KIF6: variants seen among roughly 807,000 people sequenced by gnomAD.
KIF6 encodes the protein kinesin family member 6, also known as kinesin-like protein KIF6.
In KIF6, 106 loss-of-function variants were observed where a neutral mutation model predicts 112.7. That is an observed-to-expected ratio of 0.94 (90% CI 0.80 to 1.11). The LOEUF is 1.11. Among genes scored for constraint, KIF6 ranks in the 50% least tolerant of loss-of-function variants. The pLI, the probability that KIF6 is intolerant of heterozygous loss-of-function variation, is 0.00. For missense variants in KIF6, 929 were observed against 964.0 expected (o/e 0.96, Z 0.48); for synonymous variants, 339 against 339.9 (o/e 1.00, Z 0.03).
At chr6:39,411,196 GC>G (rs2150352846) in intron 15 of KIF6, among the ~76,000 whole-genome samples, 1 of 152,348 alleles carries the variant, frequency 6.6e-6, no homozygotes, top group African/African-American at 2.4e-5. Context: ...AGCAGGGCCA[GC>G]CGGTTACAAG....
Position 39,639,672 on chromosome 6 carries a change from G to C in KIF6, c.337C>G (p.Arg113Gly), listed in dbSNP as rs753944456. The C allele has an allele frequency of 1.3e-5, 21 of 1,611,344 alleles. No individual in the cohort carries two copies. Among genetic ancestry groups the C allele is most frequent in the Non-Finnish European group, 1.8e-5 (21 of 1,178,656 alleles). Residue 113 changes from arginine to glycine, a missense_variant, in exon 4 of 23, where the codon CGT becomes GGT. Arg to Gly is a moderately radical substitution (Grantham distance 125, BLOSUM62 -2). Coordinates refer to ENST00000287152, the MANE Select transcript of KIF6 (RefSeq NM_145027.6). Reference sequence around the variant, plus strand: ...GGGATAATGCCTCTGTCACTGTAACGCTCTGCACCCCCTGTGATAGTGAAT... The same window carrying C: ...GGGATAATGCCTCTGTCACTGTAACCCTCTGCACCCCCTGTGATAGTGAAT... ...KTFTITGGAERYSDRGIIPRT... is the reference protein window; with the variant it reads ...KTFTITGGAEGYSDRGIIPRT...
At chr6:39,586,827 A>C (rs1244298888) in intron 7 of KIF6, among the ~76,000 whole-genome samples, 1 of 152,232 alleles carries the variant, frequency 6.6e-6, no homozygotes, top group Non-Finnish European at 1.5e-5. Flanking sequence ...TTGAGGTCCC[A>C]GATTCTCATG....
chr6:39,723,268 T>G (rs976913489), intron 1 of KIF6, among the ~76,000 whole-genome samples: 2 of 152,194 alleles, frequency 1.3e-5, no homozygotes, highest in Non-Finnish European at 2.9e-5. Context: ...GATGCTATGA[T>G]ATTCCACATA....
chr6:39,337,158 T>TCCTTCCTTCCTTCCTTCCTTC (rs1491446959), intron 22 of KIF6, among the ~76,000 whole-genome samples: 2 of 71,194 alleles, frequency 2.8e-5, no homozygotes, highest in Admixed American at 1.2e-4. Flanking sequence ...CTCTTTCTTT[T>TCCTTCCTTCCTTCCTTCCTTC]CTTTCTTTCC....
At chr6:39,697,478 A>G (rs1329753240) in intron 3 of KIF6, among the ~76,000 whole-genome samples, 1 of 151,992 alleles carries the variant, frequency 6.6e-6, no homozygotes, top group Non-Finnish European at 1.5e-5. Context: ...GGGGGTTTCC[A>G]TCTCTTGTCA....
At chr6:39,413,864 T>G (rs1769687025) in intron 15 of KIF6, among the ~76,000 whole-genome samples, 1 of 152,222 alleles carries the variant, frequency 6.6e-6, no homozygotes. Flanking sequence ...AATTGAAGTT[T>G]TTGATAAGCG....
intron 16 of KIF6, among the ~76,000 whole-genome samples, chr6:39,373,044 A>G (rs1229420341): frequency 6.6e-6 from 1 of 152,182 alleles, no homozygotes; most frequent in Non-Finnish European, 1.5e-5. Flanking sequence ...GGCGATTTTC[A>G]TCATGTGTAA....
At chr6:39,408,829 A>C (rs1449348704) in intron 15 of KIF6, among the ~76,000 whole-genome samples, 1 of 152,092 alleles carries the variant, frequency 6.6e-6, no homozygotes, top group East Asian at 1.9e-4. Context: ...CCCATGAATC[A>C]CTTATGCAGT....
At chr6:39,565,352 T>C (rs1310225094) in intron 10 of KIF6, among the ~76,000 whole-genome samples, 1 of 149,086 alleles carries the variant, frequency 6.7e-6, no homozygotes, top group Non-Finnish European at 1.5e-5. Flanking sequence ...GCACCAGGCT[T>C]TATGATTCTT....
At chr6:39,504,586 A>G (rs1776333277) in intron 13 of KIF6, among the ~76,000 whole-genome samples, 1 of 152,236 alleles carries the variant, frequency 6.6e-6, no homozygotes, top group African/African-American at 2.4e-5. Flanking sequence ...ACATGATCCT[A>G]TATCTGGAAA....
intron 15 of KIF6, among the ~76,000 whole-genome samples, chr6:39,411,287 C>T (rs1486968164): frequency 6.6e-6 from 1 of 152,184 alleles, no homozygotes; most frequent in Non-Finnish European, 1.5e-5. Flanking sequence ...CACCCTGGGT[C>T]CTCTTGGCTC....
chr6:39,337,252 T>TTCTTTTCTTTCCCTCCC lies in KIF6; in HGVS notation c.2429-705_2429-704insGGGAGGGAAAGAAAAGA, dbSNP rs1763079486. Among the ~76,000 whole-genome samples the TTCTTTTCTTTCCCTCCC allele has an allele frequency of 1.7e-3, 164 of 94,904 alleles. 20 individuals carry two copies. Among genetic ancestry groups the TTCTTTTCTTTCCCTCCC allele is most frequent in the African/African-American group, 6.3e-3 (117 of 18,684 alleles). The allele number at this position is 94,904 out of a possible 152,430, so 62.3% of individuals were successfully genotyped here. A position where few individuals can be genotyped will look rare whatever the true frequency, so the allele number is the denominator to read the frequency against. ...CTTTCTTTCTTTTTCTTTCTTTTCTTTCCCTCCCTCCCTCCAGCCTCCCCT... is the reference window on the plus strand; with the variant it reads ...CTTTCTTTCTTTTTCTTTCTTTTCTTTCTTTTCTTTCCCTCCCTCCCTCCCTCCCTCCAGCCTCCCCT... On this transcript the variant is annotated intron_variant, in intron 22 of 22. Transcript: ENST00000287152.
intron 13 of KIF6, among the ~76,000 whole-genome samples, chr6:39,455,622 A>C (rs1240667639): frequency 1.3e-5 from 2 of 148,410 alleles, no homozygotes; most frequent in African/African-American, 4.9e-5. Context: ...AAAACTTTGA[A>C]AAAAATTTAG....
chr6:39,691,152 A>C (rs1005359364), intron 3 of KIF6: 2 of 152,198 alleles, frequency 1.3e-5, no homozygotes, highest in Non-Finnish European at 2.9e-5. Flanking sequence ...CTGAATTAGG[A>C]GATAAACTTC....
chr6:39,563,804 C>T (rs1582144070), intron 10 of KIF6, among the ~76,000 whole-genome samples: 1 of 152,332 alleles, frequency 6.6e-6, no homozygotes, highest in East Asian at 1.9e-4. Flanking sequence ...TGGCCTCATT[C>T]ACTCTACTAG....
At chr6:39,433,201 C>G (rs1482584831) in intron 13 of KIF6, among the ~76,000 whole-genome samples, 2 of 152,236 alleles carry the variant, frequency 1.3e-5, no homozygotes, top group Non-Finnish European at 2.9e-5. Context: ...ATATTCCCAA[C>G]AACGAACAAC....
chr6:39,552,866 G>A (rs1779465289), intron 10 of KIF6, among the ~76,000 whole-genome samples: 1 of 152,068 alleles, frequency 6.6e-6, no homozygotes, highest in African/African-American at 2.4e-5. Context: ...ATGCACAAAA[G>A]GAAAGTTCAG....
chr6:39,559,878 T>C (rs1779921598), intron 10 of KIF6, among the ~76,000 whole-genome samples: 1 of 151,972 alleles, frequency 6.6e-6, no homozygotes, highest in African/African-American at 2.4e-5. Context: ...TAACTGTTTT[T>C]AAGGCAAAAC....
chr6:39,531,528 CAG>C (rs1778059473), intron 13 of KIF6, among the ~76,000 whole-genome samples: 1 of 152,174 alleles, frequency 6.6e-6, no homozygotes, highest in Non-Finnish European at 1.5e-5. Context: ...GGCCAGTAAA[CAG>C]AGCTCCTCCT....
Sources: allele counts gnomAD v4.1 joint callset (sites outside exome capture counted in the v4.1 genomes callset), GRCh38; gene constraint gnomAD v4.1.1; transcripts MANE v1.5; gene names NCBI Gene and HGNC (gene_info 2026-07-23, HGNC 2026-07-21).